AIF1L: variants seen among roughly 807,000 people sequenced by gnomAD.
AIF1L encodes the protein allograft inflammatory factor 1-like.
Under a neutral mutation model 20.7 loss-of-function variants are expected in AIF1L, and 12 were observed. That is an observed-to-expected ratio of 0.58 (90% confidence interval 0.37 to 0.94). The LOEUF (loss-of-function observed/expected upper bound fraction) is 0.94, where lower values mean the gene tolerates loss of function less well. Ranked by LOEUF, AIF1L falls within the 40% of genes least tolerant of loss-of-function variation. The pLI is 0.01. For missense variants in AIF1L, 173 were observed against 185.3 expected (o/e 0.93, Z 0.39); for synonymous variants, 76 against 65.1 (o/e 1.17, Z -0.81).
Position 131,120,459 on chromosome 9 carries a change from T to C in AIF1L, c.*137T>C. The C allele has an allele frequency of 1.4e-6, 1 of 729,458 alleles. No homozygotes were observed. Among genetic ancestry groups the C allele is most frequent in the Non-Finnish European group, 2.2e-6 (1 of 455,564 alleles). The allele number at this position is 729,458 out of a possible 1,614,324, so 45.2% of individuals were successfully genotyped here. On this transcript the variant is annotated 3_prime_UTR_variant, in exon 6 of 6. Coordinates refer to ENST00000247291, the MANE Select transcript of AIF1L (RefSeq NM_031426.4). ...TTTGTTTGTGTTTTCATCAATGTCTTTGTAAAGCACAAATTATCTGCCTTA... is the reference window on the plus strand; with the variant it reads ...TTTGTTTGTGTTTTCATCAATGTCTCTGTAAAGCACAAATTATCTGCCTTA...
intron 2 of AIF1L, among the ~76,000 whole-genome samples, chr9:131,109,529 A>G (rs990886095): frequency 2.0e-5 from 3 of 152,196 alleles, no homozygotes; most frequent in African/African-American, 7.2e-5. Flanking sequence ...ACTGGACTCC[A>G]GCCTGGGTGA....
Position 131,120,496 on chromosome 9 carries a change from G to T in AIF1L, c.*174G>T. ...AATTATCTGCCTTAAAGGGGCTCTG[G>T]GTCGGGGAATCCTGAGCCTTGGGTC... On this transcript the variant is annotated 3_prime_UTR_variant, in exon 6 of 6. Coordinates refer to ENST00000247291, the MANE Select transcript of AIF1L (RefSeq NM_031426.4). The T allele has an allele frequency of 1.8e-6, 1 of 562,780 alleles. No individual in the cohort carries two copies. The highest frequency in any genetic ancestry group is 1.9e-5 in the African/African-American group (1 of 51,848). The allele number at this position is 562,780 out of a possible 1,614,324, so 34.9% of individuals were successfully genotyped here.
At chr9:131,106,292 T>TC in intron 2 of AIF1L, 1 of 1,404,812 alleles carries the variant, frequency 7.1e-7, no homozygotes, top group Non-Finnish European at 9.7e-7. Context: ...GAGTCTCAAC[T>TC]CCTCCACTCA....
chr9:131,105,807 A>G (rs1003468890), intron 2 of AIF1L, among the ~76,000 whole-genome samples: 4 of 148,850 alleles, frequency 2.7e-5, no homozygotes, highest in Admixed American at 1.4e-4. Context: ...CATTCATTCA[A>G]TGGATGTTTT....
chr9:131,103,351 G>A (rs757189251), intron 2 of AIF1L, among the ~76,000 whole-genome samples: 25 of 152,214 alleles, frequency 1.6e-4, no homozygotes, highest in Non-Finnish European at 3.1e-4. Flanking sequence ...AGGGCATCAC[G>A]GAGGAGCACA....
intron 2 of AIF1L, among the ~76,000 whole-genome samples, chr9:131,098,821 C>T (rs1192206020): frequency 6.6e-6 from 1 of 152,190 alleles, no homozygotes; most frequent in Non-Finnish European, 1.5e-5. Context: ...CAAGGCCACG[C>T]AGAAGCCAGT....
At position 131,116,016 on chromosome 9, in the gene AIF1L, T is replaced by C. The variant is rs374204544; in HGVS notation, c.202+1398T>C. ...AATTTGGCTTATCAAATAAACACAT[T>C]TTCATCATTAAAAAAATTGGGGAAA... On this transcript the variant is annotated intron_variant, in intron 4 of 5. Transcript: ENST00000247291. Among the ~76,000 whole-genome samples the C allele has an allele frequency of 4.6e-5, 7 of 151,414 alleles. No individual in the cohort carries two copies. The East Asian group carries it at 1.4e-3, about 29-fold the overall frequency.
intron 2 of AIF1L, among the ~76,000 whole-genome samples, chr9:131,104,117 C>CT (rs1830693725): frequency 1.3e-5 from 2 of 152,220 alleles, no homozygotes; most frequent in Non-Finnish European, 2.9e-5. Flanking sequence ...CCCCCAGCTC[C>CT]TGCCCGCTTG....
chr9:131,122,518 A>T lies in AIF1L; in HGVS notation c.*2196A>T, dbSNP rs530404465. On this transcript the variant is annotated 3_prime_UTR_variant, in exon 6 of 6. Coordinates refer to ENST00000247291, the MANE Select transcript of AIF1L (RefSeq NM_031426.4). Reference sequence around the variant, plus strand: ...TCATTAGATGTCCTCACCCCTCCTCACTGCCTCTCCTCTCTGGGACAGGCT... The same window carrying T: ...TCATTAGATGTCCTCACCCCTCCTCTCTGCCTCTCCTCTCTGGGACAGGCT... 2 of 150,420 alleles carry T rather than the reference A, an allele frequency of 1.3e-5. No individual in the cohort carries two copies. Among genetic ancestry groups the T allele is most frequent in the African/African-American group, 4.9e-5 (2 of 40,826 alleles). The allele number at this position is 150,420 out of a possible 1,614,324, so 9.3% of individuals were successfully genotyped here. A position where few individuals can be genotyped will look rare whatever the true frequency, so the allele number is the denominator to read the frequency against.
intron 5 of AIF1L, among the ~76,000 whole-genome samples, chr9:131,119,215 ACT>A (rs1247066214): frequency 6.6e-6 from 1 of 152,100 alleles, no homozygotes; most frequent in Non-Finnish European, 1.5e-5. Context: ...TGAAAATAAC[ACT>A]CTGCCAGGTG....
intron 2 of AIF1L, among the ~76,000 whole-genome samples, chr9:131,109,954 A>G (rs1285800682): frequency 6.6e-6 from 1 of 152,178 alleles, no homozygotes; most frequent in Admixed American, 6.5e-5. Flanking sequence ...TCACACCTGT[A>G]ATCCCAGCAC....
intron 2 of AIF1L, chr9:131,106,061 C>G: frequency 9.5e-7 from 1 of 1,053,804 alleles, no homozygotes; most frequent in South Asian, 1.7e-5. Context: ...TCAAGTGATC[C>G]TCCCTCCTCG....
intron 2 of AIF1L, chr9:131,106,206 C>T: frequency 6.5e-7 from 1 of 1,535,684 alleles, no homozygotes; most frequent in Non-Finnish European, 8.7e-7. Flanking sequence ...AGGGAGGGAG[C>T]CGCAGCTACA....
intron 3 of AIF1L, chr9:131,111,908 C>T: frequency 1.9e-6 from 1 of 537,012 alleles, no homozygotes; most frequent in Non-Finnish European, 3.3e-6. Context: ...CTGGCCCTGC[C>T]CCTCTCTCTC....
chr9:131,110,383 G>A lies in AIF1L; in HGVS notation c.94-1214G>A, dbSNP rs990496562. Among the ~76,000 whole-genome samples, 3 of 152,074 alleles carry A rather than the reference G, an allele frequency of 2.0e-5. No homozygotes were observed. In the East Asian group the frequency reaches 5.8e-4, roughly 29 times the overall value. Reference sequence around the variant, plus strand: ...CTCCAAGCATCTGAAGGGAAGGCAGGCCAGAGATTAAAACCCCCATTTTAC... The same window carrying A: ...CTCCAAGCATCTGAAGGGAAGGCAGACCAGAGATTAAAACCCCCATTTTAC... On this transcript the variant is annotated intron_variant, in intron 2 of 5. Transcript: ENST00000247291.
At chr9:131,097,768 C>T (rs1450686205) in intron 2 of AIF1L, among the ~76,000 whole-genome samples, 2 of 152,188 alleles carry the variant, frequency 1.3e-5, no homozygotes, top group Non-Finnish European at 2.9e-5. Flanking sequence ...GCTCTGTGGT[C>T]CTCAGCAAAG....
intron 3 of AIF1L, 80 bp downstream of exon 3, chr9:131,111,743 GC>G: frequency 7.3e-7 from 1 of 1,374,438 alleles, no homozygotes; most frequent in Non-Finnish European, 1.0e-6. Context: ...GGACCCCTCA[GC>G]CCCACAGGAC....
chr9:131,120,083 T>A, intron 5 of AIF1L, 152 bp from the exon 6 acceptor site: 1 of 681,544 alleles, frequency 1.5e-6, no homozygotes, highest in Non-Finnish European at 2.5e-6. Context: ...GGAGCTGCTG[T>A]CTTGGGCTTC....
chr9:131,097,053 C>CCAGGTAGGT (rs1341698588), intron 2 of AIF1L, among the ~76,000 whole-genome samples, 190 bp downstream of exon 2: 10 of 152,224 alleles, frequency 6.6e-5, no homozygotes, highest in Admixed American at 6.5e-4. Flanking sequence ...GCCTCCGCCT[C>CCAGGTAGGT]CCGCCTCCGG....
Sources: gnomAD v4.1 joint callset for allele counts (sites outside exome capture counted in the v4.1 genomes callset) on GRCh38, gnomAD v4.1.1 for gene constraint, MANE v1.5 for transcripts, NCBI Gene and HGNC (gene_info 2026-07-23, HGNC 2026-07-21) for gene names.